Variants in IL19 observed in about 807,000 individuals in gnomAD.
The protein encoded by IL19 is interleukin 19, also known as interleukin-19.
In IL19, 15 loss-of-function variants were observed where a neutral mutation model predicts 19.5. The observed-to-expected ratio is 0.77, with a 90% CI of 0.52 to 1.19. The LOEUF (loss-of-function observed/expected upper bound fraction) is 1.19, where lower values mean the gene tolerates loss of function less well. Among genes scored for constraint, IL19 ranks in the 50% most tolerant of loss-of-function variants. The probability of loss-of-function intolerance (pLI) is 0.00; values close to 1 mark genes in which losing one functional copy is unlikely to be tolerated. For missense variants in IL19, 199 were observed against 213.1 expected (o/e 0.93, Z 0.41); for synonymous variants, 78 against 78.3 (o/e 1.00, Z 0.02).
At chr1:206,779,764 C>T (rs534525190) in intron 1 of IL19, among the ~76,000 whole-genome samples, 14 of 152,104 alleles carry the variant, frequency 9.2e-5, no homozygotes, top group South Asian at 6.2e-4. Flanking sequence ...CTTCAACTTG[C>T]GGCACTCTTC....
chr1:206,833,439 G>C (rs1389607001), intron 2 of IL19, among the ~76,000 whole-genome samples: 1 of 152,216 alleles, frequency 6.6e-6, no homozygotes, highest in Non-Finnish European at 1.5e-5. Context: ...TGGTGGTGTG[G>C]AACTTCATTC....
chr1:206,799,404 GGT>G (rs1164257600), intron 2 of IL19, among the ~76,000 whole-genome samples: 3 of 152,126 alleles, frequency 2.0e-5, no homozygotes, highest in Non-Finnish European at 4.4e-5. Flanking sequence ...AGGAGCCTGG[GGT>G]GTCTCAGAAT....
intron 2 of IL19, among the ~76,000 whole-genome samples, chr1:206,809,226 C>T (rs1457583691): frequency 2.0e-5 from 3 of 152,150 alleles, no homozygotes; most frequent in East Asian, 1.9e-4. Flanking sequence ...TCTGTGTAAA[C>T]CCAAGCTGGT....
chr1:206,842,571 C>T lies in IL19; in HGVS notation c.483C>T (p.Asp161=), dbSNP rs745525215. The T allele has an allele frequency of 1.6e-5, 26 of 1,577,116 alleles. No homozygotes were observed. The highest frequency in any genetic ancestry group is 8.1e-5 in the South Asian group (7 of 85,930). Residue 161 remains aspartate, a synonymous_variant, in exon 7 of 7, where the codon GAC becomes GAT. Coordinates refer to ENST00000659997, the MANE Select transcript of IL19 (RefSeq NM_153758.5). The part of the protein sequence containing the change: ...AAAIKSLGEL[D]VFLAWINKNH... ...CCATTAAATCCCTGGGAGAGCTCGA[C>T]GTCTTTCTAGCCTGGATTAATAAGA...
At chr1:206,805,604 T>A (rs1460594039) in intron 2 of IL19, among the ~76,000 whole-genome samples, 1 of 152,034 alleles carries the variant, frequency 6.6e-6, no homozygotes, top group East Asian at 1.9e-4. Context: ...ACTGAATTAA[T>A]GAGTAAAAGG....
At chr1:206,790,166 C>G (rs529587448) in intron 1 of IL19, among the ~76,000 whole-genome samples, 11 of 152,154 alleles carry the variant, frequency 7.2e-5, no homozygotes, top group Non-Finnish European at 1.5e-4. Context: ...AGTGTATAAG[C>G]GTTCCCTTTT....
At chr1:206,842,389 A>G in intron 6 of IL19, 138 bp from the exon 7 acceptor site, 1 of 575,982 alleles carries the variant, frequency 1.7e-6, no homozygotes, top group Non-Finnish European at 3.1e-6. Flanking sequence ...TTGAGTCTGT[A>G]TGTTATGCAA....
intron 2 of IL19, among the ~76,000 whole-genome samples, chr1:206,830,094 C>T (rs1183455986): frequency 6.6e-6 from 1 of 152,164 alleles, no homozygotes; most frequent in Non-Finnish European, 1.5e-5. Flanking sequence ...GGTTCCTTTC[C>T]ACTCTACCTA....
At chr1:206,794,101 C>T (rs1675466903) in intron 1 of IL19, among the ~76,000 whole-genome samples, 1 of 152,188 alleles carries the variant, frequency 6.6e-6, no homozygotes, top group Non-Finnish European at 1.5e-5. Context: ...ACACCATGGC[C>T]AGGCCAATCT....
At chr1:206,829,446 A>G (rs949792215) in intron 2 of IL19, among the ~76,000 whole-genome samples, 2 of 152,018 alleles carry the variant, frequency 1.3e-5, no homozygotes, top group African/African-American at 2.4e-5. Flanking sequence ...TAGGTTTTGA[A>G]CGTTAGGTTG....
At chr1:206,773,061 G>A (rs1186198332) in intron 1 of IL19, among the ~76,000 whole-genome samples, 1 of 152,174 alleles carries the variant, frequency 6.6e-6, no homozygotes, top group Non-Finnish European at 1.5e-5. Context: ...GCTTCCTACA[G>A]TACAGGCGGG....
intron 5 of IL19, 136 bp downstream of exon 5, chr1:206,840,138 A>C (rs1414607283): frequency 1.0e-6 from 1 of 960,464 alleles, no homozygotes; most frequent in Non-Finnish European, 1.7e-6. Flanking sequence ...CACAGGGAGA[A>C]CTGTGGAGAA....
At chr1:206,780,109 A>G (rs1439765369) in intron 1 of IL19, among the ~76,000 whole-genome samples, 1 of 152,130 alleles carries the variant, frequency 6.6e-6, no homozygotes, top group African/African-American at 2.4e-5. Context: ...TGAGTTCATC[A>G]TTCCCCAGTC....
intron 1 of IL19, among the ~76,000 whole-genome samples, chr1:206,790,825 T>C (rs59262980): frequency 0.019 from 2,833 of 152,320 alleles, 77 homozygotes; most frequent in African/African-American, 0.065. Context: ...ATCTCCAGAA[T>C]CTGCTTAGCA....
chr1:206,829,074 C>T (rs925584109), intron 2 of IL19: 10 of 141,836 alleles, frequency 7.1e-5, no homozygotes, highest in African/African-American at 2.6e-4. Context: ...GTCTCAAACT[C>T]TTGGCCTCAA....
At chr1:206,826,507 T>C (rs550919333) in intron 2 of IL19, among the ~76,000 whole-genome samples, 67 of 152,262 alleles carry the variant, frequency 4.4e-4, no homozygotes, top group African/African-American at 1.6e-3. Flanking sequence ...CCCTTACCGC[T>C]TTAGTATTTC....
intron 1 of IL19, among the ~76,000 whole-genome samples, chr1:206,791,499 C>T (rs1675403060): frequency 6.6e-6 from 1 of 152,056 alleles, no homozygotes; most frequent in African/African-American, 2.4e-5. Context: ...GATGGGGTTT[C>T]ACCATGTTGG....
intron 1 of IL19, among the ~76,000 whole-genome samples, chr1:206,780,553 C>T (rs1044922247): frequency 1.3e-5 from 2 of 152,190 alleles, no homozygotes; most frequent in South Asian, 2.1e-4. Context: ...CTAATTAGTG[C>T]TCTTCCAGGC....
At chr1:206,778,932 G>A (rs1675069837) in intron 1 of IL19, among the ~76,000 whole-genome samples, 1 of 152,176 alleles carries the variant, frequency 6.6e-6, no homozygotes, top group African/African-American at 2.4e-5. Context: ...ATGACTGTCT[G>A]GTTCAAGCTA....
Sources: gnomAD v4.1 joint callset for allele counts (sites outside exome capture counted in the v4.1 genomes callset) on GRCh38, gnomAD v4.1.1 for gene constraint, MANE v1.5 for transcripts, NCBI Gene and HGNC (gene_info 2026-07-23, HGNC 2026-07-21) for gene names.